KIAA1217: variants seen among roughly 807,000 people sequenced by gnomAD.
KIAA1217 encodes KIAA1217, also known as sickle tail protein homolog.
A neutral mutation model predicts 163.9 loss-of-function variants in KIAA1217; 88 were observed. That is an observed-to-expected ratio of 0.54 (90% CI 0.45 to 0.64). KIAA1217 has a LOEUF of 0.64. Ranked by LOEUF, KIAA1217 falls within the 30% of genes least tolerant of loss-of-function variation. KIAA1217 has a pLI of 0.00. For missense variants in KIAA1217, 2,372 were observed against 2,475.0 expected, an observed-to-expected ratio of 0.96 and a Z score of 0.88; for synonymous variants, 903 against 923.1, an observed-to-expected ratio of 0.98 and a Z score of 0.39.
At chr10:23,748,136 C>T (rs1254766534) in intron 1 of KIAA1217, among the ~76,000 whole-genome samples, 1 of 152,160 alleles carries the variant, frequency 6.6e-6, no homozygotes, top group Non-Finnish European at 1.5e-5. Flanking sequence ...GCCCAACCTG[C>T]TCTGTGTGTC....
At chr10:24,188,413 A>C (rs2066543411) in intron 2 of KIAA1217, among the ~76,000 whole-genome samples, 1 of 151,936 alleles carries the variant, frequency 6.6e-6, no homozygotes, top group Non-Finnish European at 1.5e-5. Flanking sequence ...TCAGGGGTAG[A>C]GGATCACAGC....
At chr10:24,331,863 G>C (rs1424634746) in intron 2 of KIAA1217, among the ~76,000 whole-genome samples, 1 of 152,146 alleles carries the variant, frequency 6.6e-6, no homozygotes, top group Non-Finnish European at 1.5e-5. Context: ...GCAATGGCGC[G>C]ATCTCAGCTC....
intron 2 of KIAA1217, among the ~76,000 whole-genome samples, chr10:24,361,830 C>T (rs2050049612): frequency 6.6e-6 from 1 of 151,490 alleles, no homozygotes; most frequent in African/African-American, 2.4e-5. Context: ...AAAAAATTAG[C>T]CAGGCGTGGT....
intron 2 of KIAA1217, among the ~76,000 whole-genome samples, chr10:24,019,125 T>C (rs184831183): frequency 6.6e-6 from 1 of 152,220 alleles, no homozygotes; most frequent in African/African-American, 2.4e-5. Context: ...AGATTTGTTG[T>C]ACAGCATGAT....
intron 3 of KIAA1217, among the ~76,000 whole-genome samples, chr10:24,424,931 A>C (rs2059061640): frequency 1.3e-5 from 2 of 152,134 alleles, no homozygotes; most frequent in South Asian, 4.1e-4. Flanking sequence ...AAGACTCTTG[A>C]ATACAGTCTC....
At chr10:23,958,732 C>A (rs1036699703) in intron 1 of KIAA1217, among the ~76,000 whole-genome samples, 1 of 151,890 alleles carries the variant, frequency 6.6e-6, no homozygotes, top group African/African-American at 2.4e-5. Context: ...TTAACCCGAG[C>A]GAGTTTAGGC....
intron 2 of KIAA1217, among the ~76,000 whole-genome samples, chr10:24,009,349 C>A (rs1467346101): frequency 6.6e-6 from 1 of 151,430 alleles, no homozygotes; most frequent in African/African-American, 2.4e-5. Flanking sequence ...TTAGAGAGAG[C>A]CTTTGATAAG....
chr10:23,760,714 G>A (rs1370155239), intron 1 of KIAA1217, among the ~76,000 whole-genome samples: 1 of 152,210 alleles, frequency 6.6e-6, no homozygotes, highest in African/African-American at 2.4e-5. Context: ...GCCCAGGTGG[G>A]AAGATTGCTT....
intron 2 of KIAA1217, among the ~76,000 whole-genome samples, chr10:24,101,338 A>G (rs2062406618): frequency 6.6e-6 from 1 of 152,152 alleles, no homozygotes; most frequent in African/African-American, 2.4e-5. Context: ...ATGATTCTAA[A>G]TTATTCATAA....
At chr10:24,304,989 T>C (rs1163819631) in intron 2 of KIAA1217, among the ~76,000 whole-genome samples, 5 of 152,152 alleles carry the variant, frequency 3.3e-5, no homozygotes, top group African/African-American at 9.7e-5. Context: ...TTGACAAAGC[T>C]ACTTTGACTG....
In KIAA1217 at chr10:24,232,995, T is replaced by C. The variant is rs368262884; in HGVS notation, c.354+13086T>C. On this transcript the variant is annotated intron_variant, in intron 2 of 20. Transcript: ENST00000376454. Reference sequence around the variant, plus strand: ...GAAAAATTAGCCAGGCATAGTGGTGTACACCTACAGTCCCAGATACTTAGG... The same window carrying C: ...GAAAAATTAGCCAGGCATAGTGGTGCACACCTACAGTCCCAGATACTTAGG... Among the ~76,000 whole-genome samples, 68 of 146,122 alleles carry C rather than the reference T, an allele frequency of 4.7e-4. No individual in the cohort carries two copies. The South Asian group carries it at 0.015, about 31-fold the overall frequency.
At chr10:24,197,883 A>G (rs1338342719) in intron 2 of KIAA1217, among the ~76,000 whole-genome samples, 1 of 152,240 alleles carries the variant, frequency 6.6e-6, no homozygotes, top group Non-Finnish European at 1.5e-5. Flanking sequence ...TGTGCATGAA[A>G]TGCATGGACC....
chr10:23,932,344 A>G (rs1183911048), intron 1 of KIAA1217, among the ~76,000 whole-genome samples: 7 of 152,204 alleles, frequency 4.6e-5, no homozygotes, highest in African/African-American at 1.7e-4. Flanking sequence ...TCATTCATTC[A>G]TCAACTATTT....
intron 1 of KIAA1217, among the ~76,000 whole-genome samples, chr10:23,880,583 G>T (rs1335899592): frequency 6.6e-6 from 1 of 151,896 alleles, no homozygotes; most frequent in Non-Finnish European, 1.5e-5. Context: ...ATTGTTCATT[G>T]AAAAATAACT....
chr10:24,430,080 G>A (rs1256473144), intron 3 of KIAA1217, among the ~76,000 whole-genome samples: 1 of 152,126 alleles, frequency 6.6e-6, no homozygotes, highest in Non-Finnish European at 1.5e-5. Context: ...CATGAGGTTG[G>A]GGCTGCAGTG....
intron 2 of KIAA1217, among the ~76,000 whole-genome samples, chr10:24,347,962 A>G (rs958710645): frequency 6.6e-6 from 1 of 152,250 alleles, no homozygotes; most frequent in Non-Finnish European, 1.5e-5. Flanking sequence ...TGTCATTCAT[A>G]TGCATATTCA....
At position 24,513,205 on chromosome 10, in the gene KIAA1217, G is replaced by A. The variant is rs774591615; in HGVS notation, c.2002-54G>A. 190 of 1,573,506 alleles carry A rather than the reference G, an allele frequency of 1.2e-4. 2 individuals carry two copies. The highest frequency in any genetic ancestry group is 1.0e-3 in the South Asian group (90 of 88,602). On this transcript the variant is annotated intron_variant, in intron 9 of 20. Transcript: ENST00000376454. ...TCCGAAGACTTCAAGGCATTCACTC[G>A]CCTCCATTTCAGGCAGGCAGAGCCC...
intron 1 of KIAA1217, among the ~76,000 whole-genome samples, chr10:23,960,468 G>A (rs1844775589): frequency 6.6e-6 from 1 of 151,280 alleles, no homozygotes; most frequent in African/African-American, 2.4e-5. Context: ...TGTTGGTCAG[G>A]CTGGTCTCCA....
At position 24,093,873 on chromosome 10, in the gene KIAA1217, T is replaced by C. The variant is rs868590202; in HGVS notation, c.-171+86499T>C. 6.3e-4 allele frequency among the ~76,000 whole-genome samples: 92 copies of C among 146,448 alleles called. 1 individual carries two copies. Among genetic ancestry groups the C allele is most frequent in the African/African-American group, 2.3e-3 (88 of 39,024 alleles). ...TGTCCATGTGTTCTCATTGTTCAAT[T>C]CCCACTTATGACTGAGAATATGCGG... On this transcript the variant is annotated intron_variant, in intron 2 of 18. Coordinates refer to the KIAA1217 transcript ENST00000376462.
Sources: gnomAD v4.1 joint callset for allele counts (sites outside exome capture counted in the v4.1 genomes callset) on GRCh38, gnomAD v4.1.1 for gene constraint, MANE v1.5 for transcripts, NCBI Gene and HGNC (gene_info 2026-07-23, HGNC 2026-07-21) for gene names.